The following PARD3B variants were observed in gnomAD, a reference collection of about 807,000 sequenced individuals.
The protein encoded by PARD3B is partitioning defective 3 homolog B.
Under a neutral mutation model 130.2 loss-of-function variants are expected in PARD3B, and 103 were observed. The observed-to-expected ratio is 0.79, with a 90% CI of 0.67 to 0.93. The LOEUF (loss-of-function observed/expected upper bound fraction) is 0.93. Among genes scored for constraint, PARD3B ranks in the 40% least tolerant of loss-of-function variants. The pLI is 0.00. For synonymous variants in PARD3B, 583 were observed against 553.2 expected (o/e 1.05, Z -0.76); for missense variants, 1,609 against 1,499.2 (o/e 1.07, Z -1.21).
At chr2:204,612,819 T>C (rs573292010) in intron 1 of PARD3B, among the ~76,000 whole-genome samples, 5 of 150,846 alleles carry the variant, frequency 3.3e-5, no homozygotes, top group African/African-American at 1.2e-4. Flanking sequence ...GCAATATGCT[T>C]GAGTGAATAT....
At chr2:205,182,794 G>A (rs1193333608) in intron 13 of PARD3B, among the ~76,000 whole-genome samples, 1 of 152,150 alleles carries the variant, frequency 6.6e-6, no homozygotes, top group Non-Finnish European at 1.5e-5. Flanking sequence ...GTGATTACAG[G>A]ACCTAGGCTC....
At chr2:204,809,987 TC>T (rs2042909072) in intron 2 of PARD3B, among the ~76,000 whole-genome samples, 2 of 152,228 alleles carry the variant, frequency 1.3e-5, no homozygotes, top group South Asian at 4.1e-4. Context: ...GGTATTGTAT[TC>T]TTTTGGTGGC....
At position 204,669,845 on chromosome 2, in the gene PARD3B, G is replaced by C. The variant is rs2036210211; in HGVS notation, c.121-16336G>C. ...TTACTCCGAGGAATGAAGAGATGCT[G>C]TTTTAGATGACAGAATAAACATAGT... On this transcript the variant is annotated intron_variant, in intron 1 of 22. Coordinates refer to ENST00000406610, the MANE Select transcript of PARD3B (RefSeq NM_001302769.2). This position sits in a 1 kb window ranked among gnomAD's most constrained non-coding sequence, Gnocchi z 4.3. Among the ~76,000 whole-genome samples, 1 of 152,220 alleles carries C rather than the reference G, an allele frequency of 6.6e-6. No individual in the cohort carries two copies. Among genetic ancestry groups the C allele is most frequent in the Non-Finnish European group, 1.5e-5 (1 of 68,004 alleles).
chr2:205,446,494 A>G lies in PARD3B; in HGVS notation c.3044+5822A>G, dbSNP rs1198454568. Among the ~76,000 whole-genome samples, 1 of 152,172 alleles carries G rather than the reference A, an allele frequency of 6.6e-6. No homozygotes were observed. ...ATTTTTTTCTATCTCCATATGAAAC[A>G]TACCCTATTTGTCCATATATCTCTG... On this transcript the variant is annotated intron_variant, in intron 20 of 22. Coordinates refer to ENST00000406610, the MANE Select transcript of PARD3B (RefSeq NM_001302769.2). The surrounding 1 kb of genome is among the most constrained non-coding windows in gnomAD (Gnocchi z 4.4).
chr2:204,847,578 G>A (rs934565559), intron 2 of PARD3B, among the ~76,000 whole-genome samples: 3 of 152,004 alleles, frequency 2.0e-5, no homozygotes, highest in Admixed American at 6.6e-5. Context: ...GTAAAATCTC[G>A]CACCATCTCA....
intron 15 of PARD3B, among the ~76,000 whole-genome samples, chr2:205,196,865 A>G (rs1484003938): frequency 6.6e-6 from 1 of 152,074 alleles, no homozygotes; most frequent in Non-Finnish European, 1.5e-5. Context: ...TTATCTTGCT[A>G]TTATGTCTTG....
chr2:204,781,510 G>A (rs1469446459), intron 2 of PARD3B, among the ~76,000 whole-genome samples: 1 of 152,028 alleles, frequency 6.6e-6, no homozygotes, highest in Non-Finnish European at 1.5e-5. Context: ...TAGCTTTAAT[G>A]TTGATGTTTA....
At chr2:204,824,327 G>C (rs2043483811) in intron 2 of PARD3B, among the ~76,000 whole-genome samples, 1 of 152,102 alleles carries the variant, frequency 6.6e-6, no homozygotes, top group Non-Finnish European at 1.5e-5. Flanking sequence ...CAATAAATAG[G>C]CTGGCTGTAT....
chr2:204,840,805 AC>A (rs1185639544), intron 2 of PARD3B, among the ~76,000 whole-genome samples: 6 of 152,160 alleles, frequency 3.9e-5, no homozygotes, highest in African/African-American at 1.4e-4. Context: ...ACTTTCACAT[AC>A]CTTTTACTGC....
In PARD3B at chr2:205,399,337, TTGTG is replaced by T. The variant is rs548601570; in HGVS notation, c.2631-1670_2631-1667del. On this transcript the variant is annotated intron_variant, in intron 18 of 22. Coordinates refer to ENST00000406610, the MANE Select transcript of PARD3B (RefSeq NM_001302769.2). ...TTTTTGTTTTGTTTTGTTTTGTTTTTTGTGTGTGTTTTGTTTTGTTTGTTTGTTT... is the reference window on the plus strand; with the variant it reads ...TTTTTGTTTTGTTTTGTTTTGTTTTTTGTGTTTTGTTTTGTTTGTTTGTTT... 4.2e-3 allele frequency among the ~76,000 whole-genome samples: 629 copies of T among 150,588 alleles called. 2 individuals carry two copies. The highest frequency in any genetic ancestry group is 0.014 in the African/African-American group (581 of 40,080).
intron 1 of PARD3B, among the ~76,000 whole-genome samples, chr2:204,658,212 A>G (rs10171959): frequency 0.042 from 6,421 of 152,226 alleles, 466 homozygotes; most frequent in African/African-American, 0.14. Context: ...TAAAAAAAAA[A>G]TCTATCTTAT....
At chr2:205,077,238 A>G (rs541585649) in intron 4 of PARD3B, among the ~76,000 whole-genome samples, 1 of 152,310 alleles carries the variant, frequency 6.6e-6, no homozygotes, top group African/African-American at 2.4e-5. Context: ...AAGGCCTGAA[A>G]GATCAGGGAC....
At chr2:205,513,822 TAGG>T (rs1307274546) in intron 21 of PARD3B, among the ~76,000 whole-genome samples, 1 of 152,034 alleles carries the variant, frequency 6.6e-6, no homozygotes, top group Non-Finnish European at 1.5e-5. Context: ...ATGAGATATT[TAGG>T]AGTAGTTATG....
chr2:205,181,668 C>T (rs1052167279), intron 13 of PARD3B, among the ~76,000 whole-genome samples: 1 of 152,218 alleles, frequency 6.6e-6, no homozygotes, highest in African/African-American at 2.4e-5. Context: ...TCTAAAGTTA[C>T]AATCTCTTTT....
intron 18 of PARD3B, among the ~76,000 whole-genome samples, chr2:205,363,107 A>G (rs982744670): frequency 6.6e-6 from 1 of 152,150 alleles, no homozygotes; most frequent in African/African-American, 2.4e-5. Context: ...GGCGGTATTA[A>G]AATGCTGTGT....
Position 205,618,551 on chromosome 2 carries a change from A to G in PARD3B, c.*2738A>G, listed in dbSNP as rs974907486. ...AGAACACTAATAGCCCCCCTGGAAGAGAGTGGCACATTGAGCTCCAAACCC... is the reference window on the plus strand; with the variant it reads ...AGAACACTAATAGCCCCCCTGGAAGGGAGTGGCACATTGAGCTCCAAACCC... On this transcript the variant is annotated 3_prime_UTR_variant, in exon 23 of 23. Coordinates refer to ENST00000406610, the MANE Select transcript of PARD3B (RefSeq NM_001302769.2). 1.3e-5 allele frequency: 2 copies of G among 152,224 alleles called. No individual in the cohort carries two copies. The highest frequency in any genetic ancestry group is 4.8e-5 in the African/African-American group (2 of 41,442). The allele number at this position is 152,224 out of a possible 1,614,324, so 9.4% of individuals were successfully genotyped here. A position where few individuals can be genotyped will look rare whatever the true frequency, so the allele number is the denominator to read the frequency against.
chr2:204,569,286 C>T (rs1483820148), intron 1 of PARD3B, among the ~76,000 whole-genome samples: 1 of 152,216 alleles, frequency 6.6e-6, no homozygotes, highest in Non-Finnish European at 1.5e-5. Flanking sequence ...TGTGATCTCT[C>T]ATCTTTACAA....
chr2:205,535,162 C>T (rs1286316347), intron 21 of PARD3B, among the ~76,000 whole-genome samples: 4 of 152,148 alleles, frequency 2.6e-5, no homozygotes, highest in African/African-American at 9.7e-5. Flanking sequence ...GGCTTATTCC[C>T]ACCTGCGAAC....
chr2:204,934,748 A>G (rs1042669951), intron 2 of PARD3B, among the ~76,000 whole-genome samples: 2 of 152,152 alleles, frequency 1.3e-5, no homozygotes, highest in African/African-American at 4.8e-5. Context: ...GTTCTTCTGA[A>G]AAAAGGCAGG....
Sources: allele counts gnomAD v4.1 joint callset (sites outside exome capture counted in the v4.1 genomes callset), GRCh38; gene constraint gnomAD v4.1.1; non-coding constraint Gnocchi (gnomAD v3.1); transcripts MANE v1.5; gene names NCBI Gene and HGNC (gene_info 2026-07-23, HGNC 2026-07-21).